SLC25A28: variants seen among roughly 807,000 people sequenced by gnomAD.
SLC25A28 encodes the protein mitoferrin-2.
A neutral mutation model predicts 31.9 loss-of-function variants in SLC25A28; 10 were observed. The ratio of observed to expected loss-of-function variants is 0.31; its 90% CI spans 0.19 to 0.53. The LOEUF (loss-of-function observed/expected upper bound fraction) is 0.53. Ranked by LOEUF, SLC25A28 falls within the 20% of genes least tolerant of loss-of-function variation. The probability of loss-of-function intolerance (pLI) is 0.95; values close to 1 mark genes in which losing one functional copy is unlikely to be tolerated. For missense variants in SLC25A28, 256 were observed against 490.3 expected, an observed-to-expected ratio of 0.52 and a Z score of 4.51; for synonymous variants, 208 against 203.6, an observed-to-expected ratio of 1.02 and a Z score of -0.19.
chr10:99,625,129 T>G (rs11190191), upstream of SLC25A28, among the ~76,000 whole-genome samples: 209 of 7,144 alleles, frequency 0.029, no homozygotes, highest in South Asian at 0.051. Context: ...GCTGACTTCA[T>G]GATTGAAGCC....
chr10:99,638,129 G>A, the SLC25A28 span, among the ~76,000 whole-genome samples: 98 of 152,158 alleles, frequency 6.4e-4, 1 homozygote, highest in East Asian at 0.017. Context: ...AGAGAACCCA[G>A]AAATAATCCC....
chr10:99,621,000 C>T, upstream of SLC25A28: 2 of 984,382 alleles, frequency 2.0e-6, no homozygotes, highest in Non-Finnish European at 2.4e-6. Context: ...GAGCGGGCGG[C>T]CCTGGCCCCG....
At chr10:99,645,810 A>T in the SLC25A28 span, among the ~76,000 whole-genome samples, 1 of 152,208 alleles carries the variant, frequency 6.6e-6, no homozygotes, top group Non-Finnish European at 1.5e-5. Context: ...GTTTGTTAAA[A>T]GTTTGCTGGA....
chr10:99,619,908 T>G, intron 1 of SLC25A28, 137 bp downstream of exon 1: 1 of 854,778 alleles, frequency 1.2e-6, no homozygotes, highest in Non-Finnish European at 1.6e-6. Context: ...GGAGTGTCGG[T>G]TCGAATCATG....
the SLC25A28 span, among the ~76,000 whole-genome samples, chr10:99,630,285 C>A: frequency 6.6e-6 from 1 of 151,998 alleles, no homozygotes; most frequent in Non-Finnish European, 1.5e-5. Context: ...CGCACCACCA[C>A]CCCCGGCAAA....
the SLC25A28 span, among the ~76,000 whole-genome samples, chr10:99,630,151 C>T: frequency 7.9e-5 from 12 of 151,996 alleles, no homozygotes; most frequent in Non-Finnish European, 1.2e-4. Flanking sequence ...CTCTTTGAGA[C>T]GGAGTCCCAT....
the SLC25A28 span, among the ~76,000 whole-genome samples, chr10:99,627,192 G>T: frequency 6.6e-6 from 1 of 152,024 alleles, no homozygotes; most frequent in Admixed American, 6.6e-5. Flanking sequence ...AGTGAGCCAA[G>T]ATCATGCCAC....
At chr10:99,653,498 C>T in the SLC25A28 span, among the ~76,000 whole-genome samples, 1 of 152,188 alleles carries the variant, frequency 6.6e-6, no homozygotes, top group African/African-American at 2.4e-5. Context: ...AAACTCCTGA[C>T]CCACAGAAAT....
At chr10:99,632,412 C>G in the SLC25A28 span, among the ~76,000 whole-genome samples, 1 of 152,054 alleles carries the variant, frequency 6.6e-6, no homozygotes, top group East Asian at 1.9e-4. Flanking sequence ...TAGAACCAGT[C>G]CCCCATGGAT....
the SLC25A28 span, among the ~76,000 whole-genome samples, chr10:99,648,181 G>A: frequency 2.7e-5 from 4 of 146,856 alleles, no homozygotes; most frequent in African/African-American, 1.0e-4. Context: ...TTTTTTTGTA[G>A]TAGAGATGAG....
the SLC25A28 span, among the ~76,000 whole-genome samples, chr10:99,633,810 C>T: frequency 6.6e-6 from 1 of 152,254 alleles, no homozygotes; most frequent in East Asian, 1.9e-4. Context: ...CTGATGCTCT[C>T]TGGAAAGCAC....
the SLC25A28 span, among the ~76,000 whole-genome samples, chr10:99,629,779 G>A: frequency 6.6e-6 from 1 of 152,188 alleles, no homozygotes; most frequent in South Asian, 2.1e-4. Flanking sequence ...TAATGGGGAT[G>A]GGGTTTCCTA....
At chr10:99,646,461 G>A in the SLC25A28 span, among the ~76,000 whole-genome samples, 5 of 152,294 alleles carry the variant, frequency 3.3e-5, no homozygotes, top group East Asian at 3.9e-4. Flanking sequence ...CATCTGTCAC[G>A]GCTTCCCTTG....
the SLC25A28 span, among the ~76,000 whole-genome samples, chr10:99,640,069 T>C: frequency 6.6e-6 from 1 of 152,242 alleles, no homozygotes; most frequent in East Asian, 1.9e-4. Context: ...CAATGGTAAC[T>C]GACAGCCAGC....
chr10:99,621,902 C>G (rs140563256), upstream of SLC25A28: 1 of 152,182 alleles, frequency 6.6e-6, no homozygotes, highest in Non-Finnish European at 1.5e-5. Flanking sequence ...AATAAAACTA[C>G]GAATTCTCTT....
upstream of SLC25A28, among the ~76,000 whole-genome samples, chr10:99,624,454 C>T (rs545487411): frequency 7.2e-5 from 11 of 152,162 alleles, no homozygotes; most frequent in Admixed American, 6.5e-4. Context: ...CCTTGGACCA[C>T]ACTTTGAATA....
intron 1 of SLC25A28, chr10:99,617,751 G>A (rs1049886617): frequency 2.1e-5 from 21 of 985,402 alleles, no homozygotes; most frequent in Non-Finnish European, 2.5e-5. Context: ...GACAACTCCT[G>A]AGCATTTTTT....
At chr10:99,644,537 G>A in the SLC25A28 span, among the ~76,000 whole-genome samples, 1 of 152,154 alleles carries the variant, frequency 6.6e-6, no homozygotes, top group Admixed American at 6.5e-5. Context: ...TTTAATTGGA[G>A]CGTTTAGCCC....
At chr10:99,618,532 A>G (rs2034708461) in intron 1 of SLC25A28, 1 of 985,286 alleles carries the variant, frequency 1.0e-6, no homozygotes, top group Admixed American at 6.1e-5. Flanking sequence ...GAGTCTATAC[A>G]TATAATGTGT....
Sources: gnomAD v4.1 joint callset for allele counts (sites outside exome capture counted in the v4.1 genomes callset) on GRCh38, gnomAD v4.1.1 for gene constraint, MANE v1.5 for transcripts, NCBI Gene and HGNC (gene_info 2026-07-23, HGNC 2026-07-21) for gene names.